SLC35D1: variants seen among roughly 807,000 people sequenced by gnomAD.
SLC35D1 encodes the protein solute carrier family 35 member D1, also known as nucleotide sugar transporter SLC35D1.
SLC35D1 carries 31 observed loss-of-function variants against 46.7 expected under a neutral mutation model. The ratio of observed to expected loss-of-function variants is 0.66; its 90% CI spans 0.50 to 0.90. The LOEUF is 0.90. Ranked by LOEUF, SLC35D1 falls within the 40% of genes least tolerant of loss-of-function variation. The probability of loss-of-function intolerance (pLI) is 0.00; values close to 1 mark genes in which losing one functional copy is unlikely to be tolerated. For synonymous variants in SLC35D1, 195 were observed against 164.6 expected (o/e 1.18, Z -1.41); for missense variants, 397 against 426.2 (o/e 0.93, Z 0.60).
chr1:67,026,949 G>A (rs1227721032), intron 8 of SLC35D1, among the ~76,000 whole-genome samples: 3 of 152,044 alleles, frequency 2.0e-5, no homozygotes, highest in Non-Finnish European at 2.9e-5. Flanking sequence ...TGAGGAAACT[G>A]CCCCCCATGA....
At chr1:66,977,833 TAAAA>T in the SLC35D1 span, among the ~76,000 whole-genome samples, 8 of 151,388 alleles carry the variant, frequency 5.3e-5, no homozygotes, top group African/African-American at 1.5e-4. Context: ...AAAATAAAAA[TAAAA>T]AAAAATTGAC....
chr1:67,050,287 C>T, intron 5 of SLC35D1, 146 bp downstream of exon 5: 1 of 649,912 alleles, frequency 1.5e-6, no homozygotes. Context: ...CTCCCACAAA[C>T]TATCAATTCC....
chr1:67,035,239 C>G (rs1425259110), intron 8 of SLC35D1, among the ~76,000 whole-genome samples: 13 of 152,220 alleles, frequency 8.5e-5, no homozygotes, highest in Non-Finnish European at 1.5e-5. Context: ...ATGCCCTCCT[C>G]CTCTATTTTT....
intron 10 of SLC35D1, among the ~76,000 whole-genome samples, chr1:67,013,127 C>T (rs969710950): frequency 1.3e-5 from 1 of 76,056 alleles, no homozygotes; most frequent in Non-Finnish European, 2.5e-5. Flanking sequence ...ATTATACATG[C>T]ATATATAATT....
intron 11 of SLC35D1, among the ~76,000 whole-genome samples, chr1:67,005,489 C>T (rs1667428937): frequency 6.6e-6 from 1 of 152,134 alleles, no homozygotes; most frequent in South Asian, 2.1e-4. Flanking sequence ...TCTGAGACTC[C>T]AATCAACCCA....
intron 8 of SLC35D1, among the ~76,000 whole-genome samples, chr1:67,033,054 T>C (rs181430905): frequency 1.4e-4 from 21 of 152,330 alleles, no homozygotes; most frequent in Admixed American, 1.2e-3. Context: ...GTTCCATCCA[T>C]GTTGTTGCAA....
the SLC35D1 span, among the ~76,000 whole-genome samples, chr1:66,983,635 T>A: frequency 6.6e-6 from 1 of 152,080 alleles, no homozygotes. Flanking sequence ...GTAAATAATT[T>A]AGCACTTTCA....
chr1:67,049,940 A>G (rs779732039), intron 5 of SLC35D1, 90 bp from the exon 6 acceptor site: 2 of 901,786 alleles, frequency 2.2e-6, no homozygotes, highest in Non-Finnish European at 3.6e-6. Context: ...TGCTTTCTCA[A>G]AAGCTATAAA....
chr1:66,981,904 C>T, the SLC35D1 span: 1 of 1,613,860 alleles, frequency 6.2e-7, no homozygotes, highest in Non-Finnish European at 8.5e-7. Context: ...ACTGTAAGCA[C>T]TGCTAATCAA....
chr1:66,978,466 T>A, the SLC35D1 span, among the ~76,000 whole-genome samples: 1 of 152,320 alleles, frequency 6.6e-6, no homozygotes, highest in East Asian at 1.9e-4. Flanking sequence ...ATTTCATAAA[T>A]AGCAGTATTG....
At chr1:67,032,467 G>A (rs1389892483) in intron 8 of SLC35D1, among the ~76,000 whole-genome samples, 2 of 151,906 alleles carry the variant, frequency 1.3e-5, no homozygotes, top group Non-Finnish European at 2.9e-5. Flanking sequence ...GATCACCTAA[G>A]GTCAGGAGTT....
At chr1:66,998,112 A>T (rs1667263255), downstream of SLC35D1, among the ~76,000 whole-genome samples, 1 of 119,508 alleles carries the variant, frequency 8.4e-6, no homozygotes, top group Non-Finnish European at 1.7e-5. Flanking sequence ...CCATAATGGA[A>T]AAGTCTAGTG....
At position 67,003,805 on chromosome 1, in the gene SLC35D1, A is replaced by G. The variant is rs940857440; in HGVS notation, c.*535T>C. On this transcript the variant is annotated 3_prime_UTR_variant, in exon 12 of 12. Transcript: ENST00000235345. ...AGCAATACACTTCAAAGCCCCACAT[A>G]TTTTTATAGTGCCAAAGTTGTTTTC... 5 of 171,396 alleles carry G rather than the reference A, an allele frequency of 2.9e-5. No homozygotes were observed. Among genetic ancestry groups the G allele is most frequent in the Admixed American group, 1.1e-4 (2 of 18,062 alleles). The allele number at this position is 171,396 out of a possible 1,614,324, so 10.6% of individuals were successfully genotyped here. A position where few individuals can be genotyped will look rare whatever the true frequency, so the allele number is the denominator to read the frequency against.
At chr1:67,008,996 G>A (rs1283110068) in intron 11 of SLC35D1, 89 bp downstream of exon 11, 10 of 655,346 alleles carry the variant, frequency 1.5e-5, no homozygotes, top group African/African-American at 3.6e-5. Flanking sequence ...ATGAATAAAT[G>A]TTCCATTAAT....
chr1:67,006,374 T>G (rs914350672), intron 11 of SLC35D1, among the ~76,000 whole-genome samples: 8 of 152,200 alleles, frequency 5.3e-5, no homozygotes, highest in Admixed American at 2.0e-4. Flanking sequence ...AAGGTTCACA[T>G]GTACGTCCAC....
At chr1:67,011,269 G>C (rs556363257) in intron 10 of SLC35D1, among the ~76,000 whole-genome samples, 1 of 152,100 alleles carries the variant, frequency 6.6e-6, no homozygotes, top group Non-Finnish European at 1.5e-5. Context: ...TGATTTTTAA[G>C]CAAATTTTCC....
intron 8 of SLC35D1, chr1:67,032,174 C>G (rs749284546): frequency 2.6e-6 from 2 of 773,582 alleles, no homozygotes; most frequent in Non-Finnish European, 3.1e-6. Flanking sequence ...AAGTCTTTAG[C>G]GCTACAGGTG....
chr1:67,041,957 A>G (rs1371272815), intron 8 of SLC35D1, among the ~76,000 whole-genome samples: 1 of 152,188 alleles, frequency 6.6e-6, no homozygotes, highest in East Asian at 1.9e-4. Context: ...AAATGTAAAA[A>G]TTCCCTTCCT....
At chr1:67,032,499 G>A (rs1325125872) in intron 8 of SLC35D1, among the ~76,000 whole-genome samples, 3 of 151,846 alleles carry the variant, frequency 2.0e-5, no homozygotes, top group East Asian at 3.9e-4. Context: ...TGACCAACAC[G>A]GAGAAACCCT....
Sources: allele counts gnomAD v4.1 joint callset (sites outside exome capture counted in the v4.1 genomes callset), GRCh38; gene constraint gnomAD v4.1.1; transcripts MANE v1.5; gene names NCBI Gene and HGNC (gene_info 2026-07-23, HGNC 2026-07-21).